Variants in CENPW observed in about 807,000 individuals in gnomAD.
CENPW encodes the protein centromere protein W, also known as cancer-up-regulated gene 2 protein.
Under a neutral mutation model 11.1 loss-of-function variants are expected in CENPW, and 3 were observed. That is an observed-to-expected ratio of 0.27 (90% CI 0.12 to 0.70). The LOEUF (loss-of-function observed/expected upper bound fraction) is 0.70. Ranked by LOEUF, CENPW falls within the 30% of genes least tolerant of loss-of-function variation. The probability of loss-of-function intolerance (pLI) is 0.77; values close to 1 mark genes in which losing one functional copy is unlikely to be tolerated. For synonymous variants in CENPW, 38 were observed against 42.0 expected (o/e 0.91, Z 0.37); for missense variants, 100 against 105.6 (o/e 0.95, Z 0.23).
At chr6:126,470,052 C>T in the CENPW span, among the ~76,000 whole-genome samples, 10 of 152,298 alleles carry the variant, frequency 6.6e-5, 1 homozygote, top group South Asian at 2.1e-3. Context: ...GAAACTCAAG[C>T]TGGCTGCAAA....
At chr6:126,394,213 A>T in the CENPW span, among the ~76,000 whole-genome samples, 7 of 149,366 alleles carry the variant, frequency 4.7e-5, no homozygotes, top group South Asian at 2.1e-4. Context: ...TCCTTCTTTT[A>T]TTTTTTTTCT....
the CENPW span, among the ~76,000 whole-genome samples, chr6:126,406,092 G>T: frequency 2.0e-5 from 3 of 152,080 alleles, no homozygotes; most frequent in African/African-American, 4.8e-5. Flanking sequence ...CTGTGGATTT[G>T]TCATATACGT....
the CENPW span, among the ~76,000 whole-genome samples, chr6:126,384,851 C>A: frequency 2.6e-5 from 4 of 151,956 alleles, no homozygotes; most frequent in African/African-American, 7.2e-5. Flanking sequence ...ATGAAAAAAT[C>A]TTTGCAAACT....
At chr6:126,455,728 G>A in the CENPW span, among the ~76,000 whole-genome samples, 1 of 151,354 alleles carries the variant, frequency 6.6e-6, no homozygotes, top group Admixed American at 6.6e-5. Flanking sequence ...AGGGCAATCA[G>A]GCGAGAGAAA....
At chr6:126,359,820 G>A in the CENPW span, among the ~76,000 whole-genome samples, 1 of 151,326 alleles carries the variant, frequency 6.6e-6, no homozygotes, top group Non-Finnish European at 1.5e-5. Flanking sequence ...GAGCCTGTGG[G>A]TGTTGTTACT....
At chr6:126,473,969 A>G in the CENPW span, among the ~76,000 whole-genome samples, 1 of 148,316 alleles carries the variant, frequency 6.7e-6, no homozygotes, top group African/African-American at 2.5e-5. Context: ...GAATATATAT[A>G]GAATATACAG....
the CENPW span, among the ~76,000 whole-genome samples, chr6:126,392,374 T>C: frequency 6.6e-6 from 1 of 151,878 alleles, no homozygotes; most frequent in Non-Finnish European, 1.5e-5. Flanking sequence ...GGTATCCTTA[T>C]TGTTTTCCAG....
chr6:126,427,557 A>G, the CENPW span, among the ~76,000 whole-genome samples: 3 of 152,192 alleles, frequency 2.0e-5, no homozygotes, highest in Non-Finnish European at 4.4e-5. Flanking sequence ...TCCTTACACT[A>G]CCTCACAATA....
chr6:126,434,097 T>G, the CENPW span, among the ~76,000 whole-genome samples: 1 of 152,244 alleles, frequency 6.6e-6, no homozygotes, highest in African/African-American at 2.4e-5. Context: ...AGTGCTGGTA[T>G]GCAATTTCAG....
At chr6:126,371,778 C>T in the CENPW span, among the ~76,000 whole-genome samples, 4 of 152,198 alleles carry the variant, frequency 2.6e-5, no homozygotes, top group East Asian at 1.9e-4. Flanking sequence ...GTCCGTTCAG[C>T]GTTTCTATTT....
the CENPW span, among the ~76,000 whole-genome samples, chr6:126,420,178 C>T: frequency 1.3e-5 from 2 of 152,052 alleles, no homozygotes; most frequent in Non-Finnish European, 2.9e-5. Context: ...TCAGGTAGTA[C>T]AGCACTCCAG....
chr6:126,431,137 A>G, the CENPW span, among the ~76,000 whole-genome samples: 2 of 152,146 alleles, frequency 1.3e-5, no homozygotes, highest in Non-Finnish European at 2.9e-5. Flanking sequence ...TATCCTTAGG[A>G]CAGCCAAGGA....
At chr6:126,342,744 C>T (rs1050186638) in intron 1 of CENPW, among the ~76,000 whole-genome samples, 2 of 152,054 alleles carry the variant, frequency 1.3e-5, no homozygotes, top group African/African-American at 4.8e-5. Flanking sequence ...TTTGATTCTG[C>T]CACTAGTCTG....
chr6:126,390,739 C>G, the CENPW span, among the ~76,000 whole-genome samples: 1 of 151,914 alleles, frequency 6.6e-6, no homozygotes, highest in Non-Finnish European at 1.5e-5. Context: ...CTTTCTGTGC[C>G]TGGCTTATTT....
At chr6:126,442,630 A>C in the CENPW span, among the ~76,000 whole-genome samples, 1 of 151,370 alleles carries the variant, frequency 6.6e-6, no homozygotes, top group Admixed American at 6.6e-5. Context: ...AAGTTTCCCC[A>C]AAACCCCTAG....
At chr6:126,452,253 T>C in the CENPW span, among the ~76,000 whole-genome samples, 1 of 151,020 alleles carries the variant, frequency 6.6e-6, no homozygotes, top group Non-Finnish European at 1.5e-5. Flanking sequence ...TATGAGAAAA[T>C]AAGAATATTT....
the CENPW span, among the ~76,000 whole-genome samples, chr6:126,405,552 A>AT: frequency 2.3e-4 from 35 of 152,120 alleles, no homozygotes; most frequent in Middle Eastern, 3.4e-3. Flanking sequence ...TGACATTGAT[A>AT]TTTTGATAGA....
chr6:126,475,709 C>T, the CENPW span, among the ~76,000 whole-genome samples: 1 of 152,034 alleles, frequency 6.6e-6, no homozygotes, highest in Admixed American at 6.6e-5. Flanking sequence ...AACTACTCTG[C>T]AAATACTTTA....
At chr6:126,408,808 G>A in the CENPW span, among the ~76,000 whole-genome samples, 3 of 151,658 alleles carry the variant, frequency 2.0e-5, no homozygotes, top group African/African-American at 7.3e-5. Context: ...GTATTTCTGT[G>A]GTATCAATTA....
Sources: gnomAD v4.1 joint callset for allele counts (sites outside exome capture counted in the v4.1 genomes callset) on GRCh38, gnomAD v4.1.1 for gene constraint, MANE v1.5 for transcripts, NCBI Gene and HGNC (gene_info 2026-07-23, HGNC 2026-07-21) for gene names.